CELF2: variants seen among roughly 807,000 people sequenced by gnomAD.
CELF2 encodes the protein CUGBP Elav-like family member 2.
In CELF2, 8 loss-of-function variants were observed where a neutral mutation model predicts 62.6. That is an observed-to-expected ratio of 0.13 (90% confidence interval 0.07 to 0.23). CELF2 has a LOEUF of 0.23. Ranked by LOEUF, CELF2 falls within the 10% of genes least tolerant of loss-of-function variation. The pLI is 1.00. For synonymous variants in CELF2, 258 were observed against 250.0 expected (o/e 1.03, Z -0.30); for missense variants, 333 against 671.0 (o/e 0.50, Z 5.56).
the CELF2 span, among the ~76,000 whole-genome samples, chr10:10,489,026 C>T: frequency 6.6e-6 from 1 of 152,008 alleles, no homozygotes; most frequent in African/African-American, 2.4e-5. Flanking sequence ...GAGAATCTTC[C>T]ATTAAATATC....
At chr10:10,670,337 A>T in the CELF2 span, among the ~76,000 whole-genome samples, 2 of 152,246 alleles carry the variant, frequency 1.3e-5, no homozygotes, top group Non-Finnish European at 2.9e-5. Context: ...TGCAAACATC[A>T]AACAAAACAT....
At chr10:11,078,893 C>T (rs1039257459) in intron 1 of CELF2, among the ~76,000 whole-genome samples, 2 of 152,196 alleles carry the variant, frequency 1.3e-5, no homozygotes, top group African/African-American at 4.8e-5. Context: ...CTCCCTTCTT[C>T]AGCATAACGT....
At chr10:10,626,931 C>T in the CELF2 span, among the ~76,000 whole-genome samples, 40 of 152,278 alleles carry the variant, frequency 2.6e-4, no homozygotes, top group East Asian at 7.0e-3. Flanking sequence ...TAAATCCTAG[C>T]GCAAGGCGGG....
At chr10:11,152,465 G>A (rs556587553) in intron 1 of CELF2, among the ~76,000 whole-genome samples, 1 of 152,260 alleles carries the variant, frequency 6.6e-6, no homozygotes, top group South Asian at 2.1e-4. Context: ...ATAGCAAGGT[G>A]TCAGATAGCA....
At chr10:11,203,607 C>G (rs2135360440) in intron 2 of CELF2, among the ~76,000 whole-genome samples, 1 of 152,276 alleles carries the variant, frequency 6.6e-6, no homozygotes, top group Non-Finnish European at 1.5e-5. Flanking sequence ...CTCCATGCCT[C>G]CACTTCTTTA....
At chr10:10,585,447 A>T in the CELF2 span, among the ~76,000 whole-genome samples, 1 of 152,092 alleles carries the variant, frequency 6.6e-6, no homozygotes, top group African/African-American at 2.4e-5. Context: ...ATGTATATGG[A>T]TAGGAGAACC....
chr10:11,224,651 A>G lies in CELF2; in HGVS notation c.354+7144A>G, dbSNP rs1417578236. Among the ~76,000 whole-genome samples, 1 of 152,200 alleles carries G rather than the reference A, an allele frequency of 6.6e-6. No homozygotes were observed. Among genetic ancestry groups the G allele is most frequent in the Non-Finnish European group, 1.5e-5 (1 of 68,042 alleles). ...CCTAGAAAATTGTCCAAATTCTGTC[A>G]TTAGCGTATAGGGTTTCCATGAGAA... On this transcript the variant is annotated intron_variant, in intron 3 of 12. Transcript: ENST00000633077. The surrounding 1 kb of genome is among the most constrained non-coding windows in gnomAD (Gnocchi z 4.5).
chr10:10,778,269 T>C, the CELF2 span, among the ~76,000 whole-genome samples: 2 of 152,168 alleles, frequency 1.3e-5, no homozygotes, highest in African/African-American at 4.8e-5. Flanking sequence ...AGGGGCCAGA[T>C]TGGCAAGAAT....
chr10:11,090,789 A>G (rs1297673842), intron 1 of CELF2, among the ~76,000 whole-genome samples: 2 of 152,228 alleles, frequency 1.3e-5, no homozygotes, highest in Non-Finnish European at 2.9e-5. Flanking sequence ...ATGGAATTCC[A>G]CAAGAGTTTT....
Position 11,178,640 on chromosome 10 carries a change from G to C in CELF2, c.271+12958G>C, listed in dbSNP as rs186447214. On this transcript the variant is annotated intron_variant, in intron 2 of 12. Coordinates refer to ENST00000633077, the MANE Select transcript of CELF2 (RefSeq NM_001326342.2). This position sits in a 1 kb window ranked among gnomAD's most constrained non-coding sequence, Gnocchi z 4.3. Reference sequence around the variant, plus strand: ...CTCCAAGGCAAATAAATGTGTGACAGCTTAAGAGGCGAAAAGAAGAGTCTT... The same window carrying C: ...CTCCAAGGCAAATAAATGTGTGACACCTTAAGAGGCGAAAAGAAGAGTCTT... Among the ~76,000 whole-genome samples, 5 of 152,314 alleles carry C rather than the reference G, an allele frequency of 3.3e-5. No individual in the cohort carries two copies. In the East Asian group the frequency reaches 5.8e-4, roughly 18 times the overall value.
chr10:10,621,974 A>G, the CELF2 span, among the ~76,000 whole-genome samples: 10,491 of 152,288 alleles, frequency 0.069, 639 homozygotes, highest in East Asian at 0.27. Flanking sequence ...GGAGTTTCTC[A>G]CATAGAGCCT....
chr10:10,477,561 C>G, the CELF2 span, among the ~76,000 whole-genome samples: 1 of 152,116 alleles, frequency 6.6e-6, no homozygotes, highest in African/African-American at 2.4e-5. Flanking sequence ...CATCCTCACC[C>G]TGTCTTAGCT....
chr10:10,499,570 G>A, the CELF2 span, among the ~76,000 whole-genome samples: 1 of 152,078 alleles, frequency 6.6e-6, no homozygotes, highest in Non-Finnish European at 1.5e-5. Context: ...GAAACAAGCT[G>A]GGATGATGTG....
chr10:10,659,019 G>A, the CELF2 span, among the ~76,000 whole-genome samples: 1 of 152,010 alleles, frequency 6.6e-6, no homozygotes, highest in Non-Finnish European at 1.5e-5. Context: ...AATAATAAAT[G>A]TTCACCAGAA....
Position 11,165,526 on chromosome 10 carries a change from T to C in CELF2, c.115T>C (p.Ser39Pro). 6.2e-7 allele frequency: 1 copy of C among 1,614,004 alleles called. No individual in the cohort carries two copies. The highest frequency in any genetic ancestry group is 8.5e-7 in the Non-Finnish European group (1 of 1,180,006). The change falls in exon 2 of 13, where the codon TCA becomes CCA. Residue 39 changes from serine (S) to proline (P), a missense_variant. This residue lies in a region of CELF2 where 253 missense variants were observed against 503.0 expected (regional missense o/e 0.50). Coordinates refer to ENST00000633077, the MANE Select transcript of CELF2 (RefSeq NM_001326342.2). The surrounding 1 kb of genome is among the most constrained non-coding windows in gnomAD (Gnocchi z 7.4). ...ANKMNGALDH[S>P]DQPDPDAIKM... ...CAAGATGAACGGAGCTTTGGATCACTCAGACCAACCAGACCCAGATGCCAT... is the reference window on the plus strand; with the variant it reads ...CAAGATGAACGGAGCTTTGGATCACCCAGACCAACCAGACCCAGATGCCAT...
chr10:10,502,470 C>A, the CELF2 span, among the ~76,000 whole-genome samples: 5 of 151,938 alleles, frequency 3.3e-5, no homozygotes, highest in Admixed American at 6.6e-5. Flanking sequence ...TCAAACCATT[C>A]ATTTCATATT....
chr10:10,848,502 T>C (rs1162166636), intron 1 of CELF2, among the ~76,000 whole-genome samples: 1 of 152,218 alleles, frequency 6.6e-6, no homozygotes, highest in Non-Finnish European at 1.5e-5. Flanking sequence ...GGTTTACGTT[T>C]ATGAATGGAA....
At chr10:10,865,442 G>A (rs1248172446) in intron 1 of CELF2, among the ~76,000 whole-genome samples, 1 of 152,188 alleles carries the variant, frequency 6.6e-6, no homozygotes, top group African/African-American at 2.4e-5. Context: ...AAGAGACCAA[G>A]CTAATATGCT....
chr10:10,967,896 G>T (rs1344339215), intron 2 of CELF2, among the ~76,000 whole-genome samples: 2 of 151,388 alleles, frequency 1.3e-5, no homozygotes, highest in African/African-American at 4.9e-5. Flanking sequence ...TGGGGATGCT[G>T]TAATATGAGT....
Sources: allele counts gnomAD v4.1 joint callset (sites outside exome capture counted in the v4.1 genomes callset), GRCh38; gene constraint gnomAD v4.1.1; regional missense constraint gnomAD v4.1.1; non-coding constraint Gnocchi (gnomAD v3.1); transcripts MANE v1.5; gene names NCBI Gene and HGNC (gene_info 2026-07-23, HGNC 2026-07-21).